The following ADAMTSL1 variants were observed in gnomAD, a reference collection of about 807,000 sequenced individuals.
ADAMTSL1 encodes the protein ADAMTS-like protein 1.
Under a neutral mutation model 201.8 loss-of-function variants are expected in ADAMTSL1, and 126 were observed. That is an observed-to-expected ratio of 0.62 (90% confidence interval 0.54 to 0.72). The LOEUF is 0.72. Ranked by LOEUF, ADAMTSL1 falls within the 30% of genes least tolerant of loss-of-function variation. The pLI, the probability that ADAMTSL1 is intolerant of heterozygous loss-of-function variation, is 0.00. For missense variants in ADAMTSL1, 2,679 were observed against 2,277.8 expected (o/e 1.18, Z -3.59); for synonymous variants, 1,121 against 903.4 (o/e 1.24, Z -4.32).
intron 23 of ADAMTSL1, among the ~76,000 whole-genome samples, chr9:18,833,340 A>AT: frequency 6.6e-6 from 1 of 152,166 alleles, no homozygotes; most frequent in Non-Finnish European, 1.5e-5. Flanking sequence ...TAAGCATTTC[A>AT]TTTTCTCCAC....
Position 18,684,795 on chromosome 9 carries a change from G to C in ADAMTSL1, c.1569G>C (p.Glu523Asp), listed in dbSNP as rs1348930623. The C allele has an allele frequency of 1.2e-6, 2 of 1,610,414 alleles. No individual in the cohort carries two copies. Among genetic ancestry groups the C allele is most frequent in the Non-Finnish European group, 1.7e-6 (2 of 1,178,598 alleles). The change falls in exon 13 of 29, where the codon GAG becomes GAC. Residue 523 changes from glutamate (E) to aspartate (D), a missense_variant. Physicochemically the swap from Glu to Asp is conservative, Grantham distance 45. Coordinates refer to ENST00000380548, the MANE Select transcript of ADAMTSL1 (RefSeq NM_001040272.6). Reference sequence around the variant, plus strand: ...AAGAAGGAGCTGCTGTGTCAGAGGAGCCCTCGTAAGTTGTAAAAGCACAGA... The same window carrying C: ...AAGAAGGAGCTGCTGTGTCAGAGGACCCCTCGTAAGTTGTAAAAGCACAGA... ...ELEEGAAVSE[E>D]PSFIPEAWSA...
At chr9:18,805,494 A>G (rs931748162) in intron 20 of ADAMTSL1, among the ~76,000 whole-genome samples, 16 of 152,268 alleles carry the variant, frequency 1.1e-4, no homozygotes, top group African/African-American at 3.4e-4. Context: ...CATTTATTCA[A>G]ACTTCCTGCT....
intron 21 of ADAMTSL1, among the ~76,000 whole-genome samples, chr9:18,821,750 C>T (rs754714303): frequency 1.3e-5 from 2 of 152,052 alleles, no homozygotes; most frequent in African/African-American, 2.4e-5. Flanking sequence ...TCCACACCTC[C>T]TAGGAAGCTT....
At chr9:18,418,561 T>C (rs928358216) in intron 2 of ADAMTSL1, among the ~76,000 whole-genome samples, 16 of 152,144 alleles carry the variant, frequency 1.1e-4, no homozygotes. Context: ...AGTATTTCAA[T>C]TGGTAAATGA....
chr9:18,093,218 G>GA (rs1434048820), intron 1 of ADAMTSL1, among the ~76,000 whole-genome samples: 2 of 151,820 alleles, frequency 1.3e-5, no homozygotes, highest in Admixed American at 1.3e-4. Context: ...ATATAGTAAA[G>GA]AAAAAAAATC....
intron 1 of ADAMTSL1, among the ~76,000 whole-genome samples, chr9:18,051,158 G>C (rs561724838): frequency 6.6e-6 from 1 of 152,146 alleles, no homozygotes; most frequent in Non-Finnish European, 1.5e-5. Flanking sequence ...AAAATTAGCC[G>C]GGTGTGGTGG....
intron 20 of ADAMTSL1, among the ~76,000 whole-genome samples, chr9:18,816,236 AG>A (rs1234376137): frequency 6.6e-6 from 1 of 152,126 alleles, no homozygotes. Context: ...GAGATAATGC[AG>A]TATTTCTCTT....
intron 2 of ADAMTSL1, among the ~76,000 whole-genome samples, chr9:18,406,234 G>C (rs1272201669): frequency 1.3e-5 from 2 of 151,952 alleles, no homozygotes; most frequent in African/African-American, 4.8e-5. Context: ...CCTATTCAAA[G>C]AGTATGCTCA....
At chr9:17,975,853 A>C (rs530216848) in intron 1 of ADAMTSL1, among the ~76,000 whole-genome samples, 2 of 152,006 alleles carry the variant, frequency 1.3e-5, no homozygotes, top group Non-Finnish European at 2.9e-5. Context: ...TTATGATTTC[A>C]GTTCTGATAT....
At chr9:18,307,151 T>G (rs1833942191) in intron 2 of ADAMTSL1, among the ~76,000 whole-genome samples, 1 of 151,868 alleles carries the variant, frequency 6.6e-6, no homozygotes, top group Non-Finnish European at 1.5e-5. Flanking sequence ...TGCTGAGAGA[T>G]TTTTTCACCA....
intron 1 of ADAMTSL1, among the ~76,000 whole-genome samples, chr9:18,149,759 G>C (rs993960063): frequency 4.6e-5 from 7 of 152,090 alleles, no homozygotes; most frequent in African/African-American, 1.7e-4. Flanking sequence ...GAAAGGATAA[G>C]ATTAGAAACA....
chr9:18,660,624 C>G (rs1438791182), intron 8 of ADAMTSL1, among the ~76,000 whole-genome samples: 1 of 151,974 alleles, frequency 6.6e-6, no homozygotes, highest in Non-Finnish European at 1.5e-5. Flanking sequence ...AATAATTAGC[C>G]TGTTATAAAA....
chr9:18,406,334 C>CTTTTCTTTTCTT (rs767889998), intron 2 of ADAMTSL1, among the ~76,000 whole-genome samples: 1 of 126,740 alleles, frequency 7.9e-6, no homozygotes, highest in Non-Finnish European at 1.6e-5. Context: ...CTTTTCTTTT[C>CTTTTCTTTTCTT]TTTTCTTTTT....
At chr9:18,343,107 CT>C (rs1379500595) in intron 2 of ADAMTSL1, among the ~76,000 whole-genome samples, 3 of 151,774 alleles carry the variant, frequency 2.0e-5, no homozygotes, top group Non-Finnish European at 2.9e-5. Flanking sequence ...AGGAGGATTG[CT>C]TGAGGCCAGG....
intron 1 of ADAMTSL1, among the ~76,000 whole-genome samples, chr9:17,981,808 A>G (rs1283856554): frequency 6.6e-6 from 1 of 152,144 alleles, no homozygotes; most frequent in Non-Finnish European, 1.5e-5. Flanking sequence ...TGTAGCTCCT[A>G]GAAGCTGGTG....
At chr9:17,944,026 T>C (rs1450942403) in intron 1 of ADAMTSL1, among the ~76,000 whole-genome samples, 1 of 151,836 alleles carries the variant, frequency 6.6e-6, no homozygotes. Context: ...CACCAAGCCA[T>C]GAGCAATCCA....
chr9:18,015,949 T>A (rs1415676423), intron 1 of ADAMTSL1, among the ~76,000 whole-genome samples: 2 of 152,042 alleles, frequency 1.3e-5, no homozygotes, highest in African/African-American at 4.8e-5. Context: ...ATAATAAAGA[T>A]CTCTGAAAAC....
intron 1 of ADAMTSL1, among the ~76,000 whole-genome samples, chr9:17,927,764 A>C (rs1275493859): frequency 1.3e-5 from 2 of 152,114 alleles, no homozygotes; most frequent in Admixed American, 1.3e-4. Flanking sequence ...AATATTACAC[A>C]ATATAAGGGA....
Position 17,989,356 on chromosome 9 carries a change from A to G in ADAMTSL1, c.87+82434A>G, listed in dbSNP as rs115791005. Among the ~76,000 whole-genome samples the G allele has an allele frequency of 1.2e-3, 175 of 152,092 alleles. 2 individuals are homozygous for G. The highest frequency in any genetic ancestry group is 3.8e-3 in the African/African-American group (160 of 41,576). On this transcript the variant is annotated intron_variant, in intron 1 of 29. Transcript: ENST00000680146. ...GTGAGCTTTCTTTTTTCAGGCTCAC[A>G]ATAGAATTATACAAAATCATTTATA...
Sources: allele counts gnomAD v4.1 joint callset (sites outside exome capture counted in the v4.1 genomes callset), GRCh38; gene constraint gnomAD v4.1.1; transcripts MANE v1.5; gene names NCBI Gene and HGNC (gene_info 2026-07-23, HGNC 2026-07-21).